NAALADL2: variants seen among roughly 807,000 people sequenced by gnomAD.
The protein encoded by NAALADL2 is inactive N-acetylated-alpha-linked acidic dipeptidase-like protein 2.
A neutral mutation model predicts 87.2 loss-of-function variants in NAALADL2; 76 were observed. The observed-to-expected ratio is 0.87, with a 90% CI of 0.72 to 1.05. The LOEUF is 1.05. NAALADL2 is among the 50% of genes least tolerant of loss of function. The pLI, the probability that NAALADL2 is intolerant of heterozygous loss-of-function variation, is 0.00. For synonymous variants in NAALADL2, 354 were observed against 331.0 expected (o/e 1.07, Z -0.75); for missense variants, 1,089 against 945.8 (o/e 1.15, Z -1.99).
chr3:175,284,838 A>G (rs955521334), intron 4 of NAALADL2, among the ~76,000 whole-genome samples: 3 of 152,116 alleles, frequency 2.0e-5, no homozygotes, highest in African/African-American at 7.2e-5. Flanking sequence ...TAGATGATTG[A>G]ATAATCTAAA....
At chr3:174,515,438 G>A (rs1396144246) in intron 1 of NAALADL2, among the ~76,000 whole-genome samples, 1 of 151,998 alleles carries the variant, frequency 6.6e-6, no homozygotes, top group African/African-American at 2.4e-5. Context: ...ACATGGAGTT[G>A]GGCAAATGGT....
At chr3:175,249,916 C>A (rs377678539) in intron 3 of NAALADL2, among the ~76,000 whole-genome samples, 12 of 152,238 alleles carry the variant, frequency 7.9e-5, no homozygotes, top group African/African-American at 2.9e-4. Flanking sequence ...CGCCTGTAAT[C>A]CCAGCAACTT....
At chr3:174,869,372 A>T (rs1727525463) in intron 1 of NAALADL2, among the ~76,000 whole-genome samples, 1 of 152,200 alleles carries the variant, frequency 6.6e-6, no homozygotes, top group Non-Finnish European at 1.5e-5. Flanking sequence ...CCCTTTTCAC[A>T]AATGGAAGCT....
At chr3:175,774,749 G>C (rs1427927050) in intron 13 of NAALADL2, among the ~76,000 whole-genome samples, 2 of 151,962 alleles carry the variant, frequency 1.3e-5, no homozygotes, top group African/African-American at 4.8e-5. Context: ...AAGATGTTAA[G>C]TATAAAGTGT....
At chr3:174,825,842 A>T (rs1721920727) in intron 3 of NAALADL2, among the ~76,000 whole-genome samples, 1 of 152,124 alleles carries the variant, frequency 6.6e-6, no homozygotes, top group Non-Finnish European at 1.5e-5. Flanking sequence ...CCTGGCTAAC[A>T]CGGTGAAACC....
At chr3:174,499,033 C>A (rs916928261) in intron 1 of NAALADL2, among the ~76,000 whole-genome samples, 6 of 151,880 alleles carry the variant, frequency 4.0e-5, no homozygotes, top group African/African-American at 1.5e-4. Context: ...TACAATTAAT[C>A]TTTTTTATGT....
intron 2 of NAALADL2, among the ~76,000 whole-genome samples, chr3:174,683,496 A>G (rs1727746398): frequency 6.6e-6 from 1 of 152,124 alleles, no homozygotes; most frequent in Non-Finnish European, 1.5e-5. Flanking sequence ...AAAGAAATAA[A>G]CCTAATTTAA....
chr3:174,797,662 A>G (rs1293925603), intron 3 of NAALADL2, among the ~76,000 whole-genome samples: 3 of 152,108 alleles, frequency 2.0e-5, no homozygotes, highest in African/African-American at 7.2e-5. Context: ...AAGATTGCTT[A>G]GGCAATTTTG....
intron 5 of NAALADL2, among the ~76,000 whole-genome samples, chr3:175,368,679 G>T (rs1434581272): frequency 6.6e-6 from 1 of 151,692 alleles, no homozygotes; most frequent in Non-Finnish European, 1.5e-5. Flanking sequence ...TGCATCATTA[G>T]GTGACTTCAT....
chr3:175,040,322 G>C (rs1308931436), intron 1 of NAALADL2, among the ~76,000 whole-genome samples: 1 of 152,148 alleles, frequency 6.6e-6, no homozygotes, highest in Admixed American at 6.6e-5. Flanking sequence ...CATTAAAGCA[G>C]AATCTGTTTT....
At chr3:175,248,080 GTAT>G (rs1477873806) in intron 3 of NAALADL2, among the ~76,000 whole-genome samples, 2 of 152,144 alleles carry the variant, frequency 1.3e-5, no homozygotes, top group East Asian at 3.9e-4. Flanking sequence ...GCCTTCTCTA[GTAT>G]ACCTGCTTTC....
At chr3:175,285,879 GT>G (rs1307815423) in intron 4 of NAALADL2, among the ~76,000 whole-genome samples, 1 of 152,024 alleles carries the variant, frequency 6.6e-6, no homozygotes, top group African/African-American at 2.4e-5. Flanking sequence ...CTCAAAGATA[GT>G]AAATTTGATT....
At chr3:175,526,658 A>G (rs778848795) in intron 9 of NAALADL2, among the ~76,000 whole-genome samples, 4 of 151,998 alleles carry the variant, frequency 2.6e-5, no homozygotes, top group Admixed American at 2.0e-4. Context: ...GGGGGGTGGG[A>G]GTCATTTCTC....
chr3:175,275,699 C>G (rs1753492048), intron 4 of NAALADL2, among the ~76,000 whole-genome samples: 1 of 151,928 alleles, frequency 6.6e-6, no homozygotes, highest in Non-Finnish European at 1.5e-5. Context: ...TTAGTAAGAG[C>G]TCAAAATTTA....
chr3:174,837,335 C>G (rs1236163238), intron 3 of NAALADL2, among the ~76,000 whole-genome samples: 1 of 152,104 alleles, frequency 6.6e-6, no homozygotes, highest in Non-Finnish European at 1.5e-5. Flanking sequence ...CACAGAAATA[C>G]AAAAGATCGT....
At chr3:175,219,723 CTGTT>C (rs1394648189) in intron 2 of NAALADL2, among the ~76,000 whole-genome samples, 1 of 151,904 alleles carries the variant, frequency 6.6e-6, no homozygotes, top group Non-Finnish European at 1.5e-5. Flanking sequence ...TTCTACTTGT[CTGTT>C]TGGCATCATA....
intron 5 of NAALADL2, among the ~76,000 whole-genome samples, chr3:175,325,152 G>GT (rs923292146): frequency 2.7e-4 from 25 of 91,464 alleles, no homozygotes; most frequent in East Asian, 2.0e-3. Context: ...AATTTTTTTT[G>GT]TTTTTTTTTC....
intron 9 of NAALADL2, among the ~76,000 whole-genome samples, chr3:175,544,427 C>A (rs555098375): frequency 6.6e-6 from 1 of 152,006 alleles, no homozygotes; most frequent in Non-Finnish European, 1.5e-5. Flanking sequence ...GGTTTTGAGT[C>A]CTGATTGTTA....
At chr3:174,934,345 A>G (rs1181146055) in intron 1 of NAALADL2, among the ~76,000 whole-genome samples, 1 of 152,156 alleles carries the variant, frequency 6.6e-6, no homozygotes, top group African/African-American at 2.4e-5. Flanking sequence ...ATTAACCCAG[A>G]TGACTTTGTA....
Sources: gnomAD v4.1 joint callset for allele counts (sites outside exome capture counted in the v4.1 genomes callset) on GRCh38, gnomAD v4.1.1 for gene constraint, MANE v1.5 for transcripts, NCBI Gene and HGNC (gene_info 2026-07-23, HGNC 2026-07-21) for gene names.